Variants in TGFB3 observed in about 807,000 individuals in gnomAD.
TGFB3 encodes the protein transforming growth factor beta-3 proprotein.
Under a neutral mutation model 40.1 loss-of-function variants are expected in TGFB3, and 5 were observed. That is an observed-to-expected ratio of 0.12 (90% CI 0.07 to 0.26). The LOEUF (loss-of-function observed/expected upper bound fraction) is 0.26. Among genes scored for constraint, TGFB3 ranks in the 10% least tolerant of loss-of-function variants. The pLI, the probability that TGFB3 is intolerant of heterozygous loss-of-function variation, is 1.00. For synonymous variants in TGFB3, 184 were observed against 205.6 expected, an observed-to-expected ratio of 0.89 and a Z score of 0.90; for missense variants, 373 against 530.1, an observed-to-expected ratio of 0.70 and a Z score of 2.91.
Position 75,971,420 on chromosome 14 carries a change from AG to A in TGFB3, c.516+134del. The A allele has an allele frequency of 6.6e-7, 1 of 1,519,806 alleles. No individual in the cohort carries two copies. Among genetic ancestry groups the A allele is most frequent in the Non-Finnish European group, 9.0e-7 (1 of 1,115,116 alleles). 94.1% of individuals were successfully genotyped at this position (1,519,806 alleles called of 1,614,324 possible). ...TCTTAAGTGTTTTAATGACAGACAC[AG>A]ATACGGAAACGAAGGCTCAGAGAAG... On this transcript the variant is annotated intron_variant, in intron 2 of 6. Coordinates refer to ENST00000238682, the MANE Select transcript of TGFB3 (RefSeq NM_003239.5). The surrounding 1 kb of genome is among the most constrained non-coding windows in gnomAD (Gnocchi z 4.5).
intron 3 of TGFB3, among the ~76,000 whole-genome samples, chr14:75,967,040 C>T (rs1422839987): frequency 6.6e-6 from 1 of 152,196 alleles, no homozygotes; most frequent in Non-Finnish European, 1.5e-5. Flanking sequence ...GAGCATCTGG[C>T]CTTGGAGACA....
rs1481208090 is a variant in TGFB3 at position 75,979,892 on chromosome 14, G to C, written c.352+650C>G. ...GACTGCATGTCACCCTAAAGTACACGGCCCTGGGAACATTCGTGCATACCC... is the reference window on the plus strand; with the variant it reads ...GACTGCATGTCACCCTAAAGTACACCGCCCTGGGAACATTCGTGCATACCC... On this transcript the variant is annotated intron_variant, in intron 1 of 6. Coordinates refer to ENST00000238682, the MANE Select transcript of TGFB3 (RefSeq NM_003239.5). The surrounding 1 kb of genome is among the most constrained non-coding windows in gnomAD (Gnocchi z 4.8). 6.6e-6 allele frequency among the ~76,000 whole-genome samples: 1 copy of C among 152,134 alleles called. No homozygotes were observed. Among genetic ancestry groups the C allele is most frequent in the Non-Finnish European group, 1.5e-5 (1 of 68,030 alleles).
At chr14:75,976,455 C>T (rs1242474788) in intron 1 of TGFB3, among the ~76,000 whole-genome samples, 1 of 152,164 alleles carries the variant, frequency 6.6e-6, no homozygotes, top group South Asian at 2.1e-4. Flanking sequence ...ATGGTGTGAG[C>T]TTTCTATTGA....
At chr14:75,962,250 C>T (rs760935745) in intron 5 of TGFB3, among the ~76,000 whole-genome samples, 6 of 152,180 alleles carry the variant, frequency 3.9e-5, no homozygotes, top group Non-Finnish European at 8.8e-5. Flanking sequence ...CAAGATCATT[C>T]GTTCCTAACT....
chr14:75,958,723 C>G lies in TGFB3; in HGVS notation c.*464G>C. 1 of 193,800 alleles carries G rather than the reference C, an allele frequency of 5.2e-6. No homozygotes were observed. Among genetic ancestry groups the G allele is most frequent in the Non-Finnish European group, 1.1e-5 (1 of 93,542 alleles). 12.0% of individuals were successfully genotyped at this position (193,800 alleles called of 1,614,324 possible). On this transcript the variant is annotated 3_prime_UTR_variant, in exon 7 of 7. Coordinates refer to ENST00000238682, the MANE Select transcript of TGFB3 (RefSeq NM_003239.5). ...TGTCTTTAAAAAAAAAAAAAAAATG[C>G]TTGCCTTGTATAACATAATCCAGAT...
chr14:75,964,214 G>T (rs2035194603), intron 4 of TGFB3, among the ~76,000 whole-genome samples: 2 of 152,042 alleles, frequency 1.3e-5, no homozygotes, highest in African/African-American at 4.8e-5. Context: ...AGAATCTTGG[G>T]GTGTGAGTTT....
chr14:75,963,718 A>T (rs943151706), intron 4 of TGFB3, among the ~76,000 whole-genome samples: 1 of 152,150 alleles, frequency 6.6e-6, no homozygotes, highest in Non-Finnish European at 1.5e-5. Flanking sequence ...TGCCCACTGA[A>T]AGATGCCCCG....
At chr14:75,959,418 C>T in intron 6 of TGFB3, 73 bp from the exon 7 acceptor site, 1 of 1,584,684 alleles carries the variant, frequency 6.3e-7, no homozygotes, top group Non-Finnish European at 8.6e-7. Context: ...TCGCCCAGTT[C>T]CAGGGGCAGT....
intron 5 of TGFB3, 176 bp downstream of exon 5, chr14:75,963,140 C>CT (rs2035177437): frequency 2.6e-6 from 2 of 775,878 alleles, no homozygotes; most frequent in South Asian, 1.6e-5. Flanking sequence ...CCCAGGAAAA[C>CT]AGAAAGAGAT....
Position 75,971,459 on chromosome 14 carries a change from C to T in TGFB3, c.516+96G>A, listed in dbSNP as rs1332844912. 3.2e-6 allele frequency: 5 copies of T among 1,571,436 alleles called. No homozygotes were observed. The highest frequency in any genetic ancestry group is 4.3e-6 in the Non-Finnish European group (5 of 1,154,196). On this transcript the variant is annotated intron_variant, in intron 2 of 6. Coordinates refer to ENST00000238682, the MANE Select transcript of TGFB3 (RefSeq NM_003239.5). The surrounding 1 kb of genome is among the most constrained non-coding windows in gnomAD (Gnocchi z 4.5). ...AGGCTCAGAGAAGCCAGGATTCAAA[C>T]CCAGGTCTGCCAAACGCTGCACCCA...
intron 3 of TGFB3, among the ~76,000 whole-genome samples, chr14:75,968,795 C>G (rs76037150): frequency 6.6e-6 from 1 of 152,158 alleles, no homozygotes; most frequent in African/African-American, 2.4e-5. Context: ...GGATAATTCC[C>G]CTTGGATGGG....
chr14:75,962,490 G>A (rs906295594), intron 5 of TGFB3, among the ~76,000 whole-genome samples: 11 of 152,080 alleles, frequency 7.2e-5, no homozygotes, highest in Admixed American at 3.3e-4. Flanking sequence ...GCTTCATTTC[G>A]GCATCCTCTG....
Position 75,980,547 on chromosome 14 carries a change from T to C in TGFB3, c.347A>G (p.Glu116Gly), listed in dbSNP as rs1411673111. 1 of 1,614,206 alleles carries C rather than the reference T, an allele frequency of 6.2e-7. No homozygotes were observed. The highest frequency in any genetic ancestry group is 8.5e-7 in the Non-Finnish European group (1 of 1,180,032). Residue 116 changes from glutamate to glycine, a missense_variant, in exon 1 of 7, where the codon GAG (glutamate) becomes GGG (glycine). Glu to Gly is a moderately conservative substitution (Grantham distance 98). Transcript: ENST00000238682. The surrounding 1 kb of genome is among the most constrained non-coding windows in gnomAD (Gnocchi z 4.3). ...CAGCGAGAATTTGGACTTACTGTGCTCCGCCAGCCCCTGGATCATGTCGAA... is the reference window on the plus strand; with the variant it reads ...CAGCGAGAATTTGGACTTACTGTGCCCCGCCAGCCCCTGGATCATGTCGAA... ...HKFDMIQGLA[E>G]HNELAVCPKG...
At chr14:75,973,512 G>T (rs1377081598) in intron 1 of TGFB3, among the ~76,000 whole-genome samples, 1 of 152,246 alleles carries the variant, frequency 6.6e-6, no homozygotes, top group African/African-American at 2.4e-5. Context: ...ATCAGTGATA[G>T]TTAAGTAATG....
At chr14:75,965,545 C>T (rs775079521) in intron 4 of TGFB3, 43 bp downstream of exon 4, 13 of 1,511,178 alleles carry the variant, frequency 8.6e-6, no homozygotes, top group Non-Finnish European at 1.1e-5. Flanking sequence ...CCATTAACTT[C>T]CCCCCCACTC....
Position 75,981,339 on chromosome 14 carries a change from G to A in TGFB3, c.-446C>T. ...TGGGTATTTTAAAGAAGAAGCAGAA[G>A]GACCATGGCTGGGTCCCAAAATCAA... On this transcript the variant is annotated 5_prime_UTR_variant, in exon 1 of 7. Transcript: ENST00000238682. The surrounding 1 kb of genome is among the most constrained non-coding windows in gnomAD (Gnocchi z 4.7). 1 of 182,306 alleles carries A rather than the reference G, an allele frequency of 5.5e-6. No individual in the cohort carries two copies. The highest frequency in any genetic ancestry group is 1.1e-4 in the South Asian group (1 of 8,862). 11.3% of individuals were successfully genotyped at this position (182,306 alleles called of 1,614,324 possible). A position where few individuals can be genotyped will look rare whatever the true frequency, so the allele number is the denominator to read the frequency against.
intron 3 of TGFB3, chr14:75,970,787 T>G: frequency 2.8e-6 from 1 of 355,664 alleles, no homozygotes; most frequent in South Asian, 2.2e-5. Context: ...ACATCCCTTA[T>G]TCTGATCTTC....
intron 5 of TGFB3, among the ~76,000 whole-genome samples, chr14:75,962,043 G>A (rs776211145): frequency 6.6e-6 from 1 of 152,146 alleles, no homozygotes; most frequent in Non-Finnish European, 1.5e-5. Flanking sequence ...TGTCTTAAAT[G>A]TGGACAAGGT....
chr14:75,961,571 G>A (rs997841939), intron 5 of TGFB3, among the ~76,000 whole-genome samples: 2 of 152,154 alleles, frequency 1.3e-5, no homozygotes, highest in South Asian at 4.1e-4. Context: ...TAGAACCGTG[G>A]TTCAACAGAT....
Sources: gnomAD v4.1 joint callset for allele counts (sites outside exome capture counted in the v4.1 genomes callset) on GRCh38, gnomAD v4.1.1 for gene constraint, Gnocchi (gnomAD v3.1) non-coding constraint, MANE v1.5 for transcripts, NCBI Gene and HGNC (gene_info 2026-07-23, HGNC 2026-07-21) for gene names.